Variants in ADCY2 observed in about 807,000 individuals in gnomAD.
The protein encoded by ADCY2 is adenylate cyclase type 2.
In ADCY2, 31 loss-of-function variants were observed where a neutral mutation model predicts 125.2. That is an observed-to-expected ratio of 0.25 (90% CI 0.19 to 0.33). ADCY2 has a LOEUF of 0.33. Among genes scored for constraint, ADCY2 ranks in the 10% least tolerant of loss-of-function variants. ADCY2 has a pLI of 1.00. For missense variants in ADCY2, 904 were observed against 1,418.2 expected, an observed-to-expected ratio of 0.64 and a Z score of 5.82; for synonymous variants, 512 against 548.4, an observed-to-expected ratio of 0.93 and a Z score of 0.93.
intron 1 of ADCY2, among the ~76,000 whole-genome samples, chr5:7,404,356 CGTCA>C (rs1449367259): frequency 6.6e-6 from 1 of 152,062 alleles, no homozygotes; most frequent in African/African-American, 2.4e-5. Context: ...TCTCCTGTTA[CGTCA>C]GTCAGAACAT....
At position 7,420,567 on chromosome 5, in the gene ADCY2, G is replaced by A. The variant is rs1322636218; in HGVS notation, c.408+5797G>A. ...TTTCCAAACGTCATTATTTTAGTTC[G>A]GCACAAACCACCCCCATCCCGAAGG... On this transcript the variant is annotated intron_variant, in intron 2 of 24. Coordinates refer to ENST00000338316, the MANE Select transcript of ADCY2 (RefSeq NM_020546.3). 8.5e-4 allele frequency among the ~76,000 whole-genome samples: 129 copies of A among 152,188 alleles called. 2 individuals carry two copies. The highest frequency in any genetic ancestry group is 8.4e-3 in the Admixed American group (128 of 15,262).
At chr5:7,710,684 G>A (rs1346776409) in intron 10 of ADCY2, among the ~76,000 whole-genome samples, 1 of 152,178 alleles carries the variant, frequency 6.6e-6, no homozygotes, top group African/African-American at 2.4e-5. Context: ...ATGCACCACG[G>A]TAAATTTTAT....
rs115935165 is a variant in ADCY2, at chr5:7,640,105, G to A, written c.720+13789G>A. On this transcript the variant is annotated intron_variant, in intron 4 of 24. Transcript: ENST00000338316. ...CTTGGCTGAGGGATACAGTTGTGAC[G>A]ACAGTTTGCAGGATAATGAATCTTT... is the stretch of plus-strand genomic sequence containing the variant. 7.3e-3 allele frequency among the ~76,000 whole-genome samples: 1,112 copies of A among 152,300 alleles called. 9 individuals carry two copies. Among genetic ancestry groups the A allele is most frequent in the African/African-American group, 0.025 (1,045 of 41,562 alleles).
rs539653924 is a variant in ADCY2, at chr5:7,520,710, T to C, written c.409-28T>C. Reference sequence around the variant, plus strand: ...CTTAGAAACCAGAATATTTGGTGACTCTTATTGTTCTTCTTCTCTGCCCGT... The same window carrying C: ...CTTAGAAACCAGAATATTTGGTGACCCTTATTGTTCTTCTTCTCTGCCCGT... On this transcript the variant is annotated intron_variant, in intron 2 of 24. Transcript: ENST00000338316. 2.5e-6 allele frequency: 4 copies of C among 1,612,842 alleles called. No individual in the cohort carries two copies. In the African/African-American group the frequency reaches 4.0e-5, roughly 16 times the overall value.
At chr5:7,687,839 A>G (rs1740566450) in intron 4 of ADCY2, among the ~76,000 whole-genome samples, 1 of 152,306 alleles carries the variant, frequency 6.6e-6, no homozygotes, top group African/African-American at 2.4e-5. Context: ...TTTAAATTCA[A>G]TGGAAGATGG....
chr5:7,818,224 C>G (rs1160050334), intron 23 of ADCY2, among the ~76,000 whole-genome samples: 2 of 152,150 alleles, frequency 1.3e-5, no homozygotes, highest in East Asian at 3.8e-4. Flanking sequence ...CATTTTCTTC[C>G]TTTGCTATGG....
intron 17 of ADCY2, among the ~76,000 whole-genome samples, chr5:7,767,485 G>T (rs145261887): frequency 6.6e-6 from 1 of 152,052 alleles, no homozygotes; most frequent in Non-Finnish European, 1.5e-5. Flanking sequence ...GATTATGCTC[G>T]TTTAGTTTCC....
intron 4 of ADCY2, among the ~76,000 whole-genome samples, chr5:7,674,803 C>T (rs978382280): frequency 1.3e-5 from 2 of 152,102 alleles, no homozygotes; most frequent in African/African-American, 4.8e-5. Context: ...AATACTGAAC[C>T]ATGACCTTTT....
chr5:7,586,783 T>G (rs999855925), intron 3 of ADCY2, among the ~76,000 whole-genome samples: 1 of 152,016 alleles, frequency 6.6e-6, no homozygotes, highest in African/African-American at 2.4e-5. Flanking sequence ...CCTCTTTAAT[T>G]TACGACAAAG....
intron 19 of ADCY2, among the ~76,000 whole-genome samples, chr5:7,786,315 G>A (rs1031520402): frequency 6.6e-6 from 1 of 152,174 alleles, no homozygotes; most frequent in Non-Finnish European, 1.5e-5. Flanking sequence ...TCCCTTCCCC[G>A]AAAGGAGGGG....
chr5:7,682,677 T>A (rs1055058872), intron 4 of ADCY2, among the ~76,000 whole-genome samples: 1 of 152,198 alleles, frequency 6.6e-6, no homozygotes, highest in Non-Finnish European at 1.5e-5. Context: ...TCTGGACAGA[T>A]CATAGTGTTC....
At chr5:7,414,818 G>A in intron 2 of ADCY2, 48 bp downstream of exon 2, 1 of 1,515,924 alleles carries the variant, frequency 6.6e-7, no homozygotes, top group Non-Finnish European at 8.9e-7. Context: ...CTTGATTTGT[G>A]ACATACTTAG....
intron 4 of ADCY2, among the ~76,000 whole-genome samples, chr5:7,654,982 G>A (rs537295115): frequency 1.6e-3 from 243 of 152,274 alleles, no homozygotes; most frequent in African/African-American, 5.6e-3. Context: ...TGAAACATTC[G>A]TGTTTCAAAT....
intron 3 of ADCY2, among the ~76,000 whole-genome samples, chr5:7,586,822 C>G (rs1395085819): frequency 1.3e-5 from 2 of 152,072 alleles, no homozygotes; most frequent in African/African-American, 4.8e-5. Flanking sequence ...AATGGAGCTC[C>G]TACATGGATC....
At chr5:7,825,274 T>TGATGCTGTGTGACATGACAAC (rs1745439652) in intron 24 of ADCY2, among the ~76,000 whole-genome samples, 2 of 140,140 alleles carry the variant, frequency 1.4e-5, no homozygotes, top group African/African-American at 6.1e-5. Context: ...GCCATGACAA[T>TGATGCTGTGTGACATGACAAC]GCTGCTGTGT....
Position 7,724,566 on chromosome 5 carries a change from C to G in ADCY2, c.1725C>G (p.Asp575Glu). Residue 575 changes from aspartate (D) to glutamate (E), a missense_variant, in exon 13 of 25, where the codon GAC becomes GAG. This residue lies in a region of ADCY2 where 144 missense variants were observed against 227.7 expected (regional missense o/e 0.63). Transcript: ENST00000338316. ...CCAGGCAATGGCTCAAGTCTGAAGA[C>G]ATTCAGAGAATCTCACTGCTTTTCT... Reference protein sequence around the residue: ...NAQKQWLKSEDIQRISLLFYN... With the variant: ...NAQKQWLKSEEIQRISLLFYN... 1 of 1,603,498 alleles carries G rather than the reference C, an allele frequency of 6.2e-7. No individual in the cohort carries two copies. Among genetic ancestry groups the G allele is most frequent in the Non-Finnish European group, 8.5e-7 (1 of 1,177,278 alleles).
At chr5:7,725,839 A>G (rs1163667545) in intron 13 of ADCY2, among the ~76,000 whole-genome samples, 1 of 152,236 alleles carries the variant, frequency 6.6e-6, no homozygotes, top group African/African-American at 2.4e-5. Flanking sequence ...GTCACAAAAT[A>G]TACCCCCCAA....
chr5:7,675,059 G>T (rs1362105213), intron 4 of ADCY2, among the ~76,000 whole-genome samples: 1 of 151,896 alleles, frequency 6.6e-6, no homozygotes, highest in Non-Finnish European at 1.5e-5. Context: ...AGAGGCTGAG[G>T]CAGGAGAATG....
chr5:7,416,681 G>A (rs763542715), intron 2 of ADCY2, among the ~76,000 whole-genome samples: 1 of 152,112 alleles, frequency 6.6e-6, no homozygotes, highest in Non-Finnish European at 1.5e-5. Context: ...GTATTCTTAT[G>A]CATCAACATT....
Sources: allele counts gnomAD v4.1 joint callset (sites outside exome capture counted in the v4.1 genomes callset), GRCh38; gene constraint gnomAD v4.1.1; regional missense constraint gnomAD v4.1.1; transcripts MANE v1.5; gene names NCBI Gene and HGNC (gene_info 2026-07-23, HGNC 2026-07-21).